The following SV2C variants were observed in gnomAD, a reference collection of about 807,000 sequenced individuals.
SV2C encodes synaptic vesicle glycoprotein 2C.
SV2C carries 49 observed loss-of-function variants against 79.7 expected under a neutral mutation model. The observed-to-expected ratio is 0.61, with a 90% CI of 0.49 to 0.78. SV2C has a LOEUF of 0.78. SV2C is among the 30% of genes least tolerant of loss of function. The pLI is 0.00. For missense variants in SV2C, 833 were observed against 912.9 expected, an observed-to-expected ratio of 0.91 and a Z score of 1.13; for synonymous variants, 334 against 333.2, an observed-to-expected ratio of 1.00 and a Z score of -0.03.
intron 3 of SV2C, among the ~76,000 whole-genome samples, chr5:76,208,389 C>G (rs981377254): frequency 6.6e-6 from 1 of 152,118 alleles, no homozygotes; most frequent in Non-Finnish European, 1.5e-5. Context: ...AAAGCACCAG[C>G]CTAAGTGGTC....
the SV2C span, among the ~76,000 whole-genome samples, chr5:75,967,257 C>T: frequency 1.3e-4 from 20 of 152,258 alleles, no homozygotes; most frequent in South Asian, 4.1e-4. Flanking sequence ...ACACAGAAGA[C>T]GGGTGATTTC....
At chr5:75,914,880 A>T in the SV2C span, among the ~76,000 whole-genome samples, 1 of 152,200 alleles carries the variant, frequency 6.6e-6, no homozygotes, top group African/African-American at 2.4e-5. Flanking sequence ...GCAATTTACA[A>T]AAGAAAGAGA....
the SV2C span, among the ~76,000 whole-genome samples, chr5:75,973,191 G>T: frequency 6.6e-6 from 1 of 151,944 alleles, no homozygotes; most frequent in Non-Finnish European, 1.5e-5. Flanking sequence ...TGGGGAAGGG[G>T]GGAGGGATAG....
intron 1 of SV2C, among the ~76,000 whole-genome samples, chr5:76,120,151 A>C (rs1240814236): frequency 1.3e-5 from 2 of 152,202 alleles, no homozygotes; most frequent in African/African-American, 2.4e-5. Context: ...TGTGTCAAAA[A>C]ATTTTAAAAA....
At chr5:76,302,878 GA>G in intron 12 of SV2C, among the ~76,000 whole-genome samples, 1 of 152,232 alleles carries the variant, frequency 6.6e-6, no homozygotes, top group Non-Finnish European at 1.5e-5. Context: ...TCTGGACTTT[GA>G]AATGTAGGAG....
chr5:76,126,861 G>A (rs10514058), intron 1 of SV2C, among the ~76,000 whole-genome samples: 3,067 of 152,244 alleles, frequency 0.02, 46 homozygotes, highest in South Asian at 0.044. Flanking sequence ...GCATAGGGTC[G>A]CATTGTTACT....
In SV2C at chr5:76,291,334, A is replaced by T; in HGVS notation, c.1248+3A>T. 1 of 1,586,436 alleles carries T rather than the reference A, an allele frequency of 6.3e-7. No individual in the cohort carries two copies. The highest frequency in any genetic ancestry group is 1.1e-5 in the South Asian group (1 of 87,210). On this transcript the variant is annotated splice_donor_region_variant and intron_variant, in intron 7 of 12. Coordinates refer to ENST00000502798, the MANE Select transcript of SV2C (RefSeq NM_014979.4). ...GGATCCGCACCGAGCTGTACGGAGT[A>T]AGTAACAAGTCCCATGATGACCTGC...
chr5:76,288,743 G>A (rs1405707184), intron 6 of SV2C, among the ~76,000 whole-genome samples: 1 of 152,120 alleles, frequency 6.6e-6, no homozygotes, highest in East Asian at 1.9e-4. Flanking sequence ...AAAAGTGATT[G>A]ATAATTTCAA....
intron 3 of SV2C, among the ~76,000 whole-genome samples, chr5:76,206,337 C>T (rs983530672): frequency 6.6e-6 from 1 of 152,204 alleles, no homozygotes; most frequent in African/African-American, 2.4e-5. Flanking sequence ...ATAGAAGCTC[C>T]TGGAATGCCC....
chr5:76,223,444 CAT>C (rs70979384), intron 4 of SV2C, among the ~76,000 whole-genome samples: 810 of 45,508 alleles, frequency 0.018, 3 homozygotes, highest in South Asian at 0.031. Flanking sequence ...TACATACATA[CAT>C]ATATATATAT....
intron 4 of SV2C, among the ~76,000 whole-genome samples, chr5:76,223,440 CATACATATATATATATATATATAT>C (rs1375289419): frequency 2.8e-5 from 1 of 35,996 alleles, no homozygotes; most frequent in African/African-American, 9.7e-5. Flanking sequence ...TATATACATA[CATACATATATATATATATATATAT>C]ATATATATAT....
At chr5:76,028,654 T>C in the SV2C span, among the ~76,000 whole-genome samples, 2 of 152,198 alleles carry the variant, frequency 1.3e-5, no homozygotes, top group African/African-American at 4.8e-5. Context: ...TCTATGTGAT[T>C]CTGATGATTG....
At chr5:76,110,346 G>A (rs189105320) in intron 1 of SV2C, among the ~76,000 whole-genome samples, 37 of 152,320 alleles carry the variant, frequency 2.4e-4, no homozygotes, top group Non-Finnish European at 3.7e-4. Flanking sequence ...TTGGATGGTG[G>A]ACAGTATCAC....
the SV2C span, among the ~76,000 whole-genome samples, chr5:75,943,882 A>C: frequency 6.6e-6 from 1 of 152,170 alleles, no homozygotes; most frequent in Non-Finnish European, 1.5e-5. Flanking sequence ...TGGCAACAGA[A>C]CTTATTACTG....
At chr5:76,041,085 G>A in the SV2C span, among the ~76,000 whole-genome samples, 4 of 152,164 alleles carry the variant, frequency 2.6e-5, no homozygotes, top group Non-Finnish European at 5.9e-5. Context: ...GCCTCTTCAA[G>A]CTTGTACCAG....
At chr5:75,956,671 G>A in the SV2C span, among the ~76,000 whole-genome samples, 57 of 151,932 alleles carry the variant, frequency 3.8e-4, no homozygotes, top group East Asian at 4.9e-3. Flanking sequence ...CACCATCCCC[G>A]CAAGTATACT....
intron 4 of SV2C, among the ~76,000 whole-genome samples, chr5:76,253,509 G>T (rs1746174112): frequency 6.6e-6 from 1 of 151,868 alleles, no homozygotes; most frequent in Non-Finnish European, 1.5e-5. Flanking sequence ...TTAATGACAT[G>T]GTTTTATTTA....
At chr5:76,256,998 G>T (rs547972927) in intron 4 of SV2C, among the ~76,000 whole-genome samples, 1 of 152,038 alleles carries the variant, frequency 6.6e-6, no homozygotes, top group African/African-American at 2.4e-5. Context: ...CTTTCATTTT[G>T]CTTAATCTAC....
intron 7 of SV2C, 64 bp from the exon 8 acceptor site, chr5:76,291,704 G>A: frequency 9.2e-7 from 1 of 1,090,454 alleles, no homozygotes; most frequent in Non-Finnish European, 1.4e-6. Context: ...TTTGGTGGAA[G>A]GGGTCGGGGA....
Sources: allele counts gnomAD v4.1 joint callset (sites outside exome capture counted in the v4.1 genomes callset), GRCh38; gene constraint gnomAD v4.1.1; transcripts MANE v1.5; gene names NCBI Gene and HGNC (gene_info 2026-07-23, HGNC 2026-07-21).